ABTB2: variants seen among roughly 807,000 people sequenced by gnomAD.
ABTB2 encodes ankyrin repeat and BTB domain containing 2, also known as ankyrin repeat and BTB/POZ domain-containing protein 2.
In ABTB2, 56 loss-of-function variants were observed where a neutral mutation model predicts 104.1. The ratio of observed to expected loss-of-function variants is 0.54; its 90% CI spans 0.43 to 0.67. The LOEUF is 0.67. ABTB2 is among the 30% of genes least tolerant of loss of function. ABTB2 has a pLI of 0.00. For synonymous variants in ABTB2, 606 were observed against 608.2 expected (o/e 1.00, Z 0.05); for missense variants, 1,279 against 1,407.7 (o/e 0.91, Z 1.46).
At chr11:34,170,773 G>A in intron 5 of ABTB2, 133 bp downstream of exon 5, 1 of 1,090,752 alleles carries the variant, frequency 9.2e-7, no homozygotes, top group Non-Finnish European at 1.3e-6. Flanking sequence ...CAGGATTCAG[G>A]GAGGTAGCCC....
chr11:34,318,823 G>A (rs1854969400), intron 1 of ABTB2, among the ~76,000 whole-genome samples: 1 of 152,170 alleles, frequency 6.6e-6, no homozygotes. Context: ...TCATCCTTGG[G>A]CAGCTTAACC....
At chr11:34,228,849 G>C (rs1363518924) in intron 1 of ABTB2, among the ~76,000 whole-genome samples, 1 of 152,196 alleles carries the variant, frequency 6.6e-6, no homozygotes, top group African/African-American at 2.4e-5. Context: ...GCCAGGTGCA[G>C]TGGCTCATGC....
chr11:34,290,321 G>A (rs1018604138), intron 1 of ABTB2, among the ~76,000 whole-genome samples: 3 of 152,234 alleles, frequency 2.0e-5, no homozygotes, highest in African/African-American at 7.2e-5. Context: ...ACGGAGCAGA[G>A]AAGGCCAAAA....
intron 1 of ABTB2, among the ~76,000 whole-genome samples, chr11:34,299,239 C>T (rs1289682233): frequency 6.6e-6 from 1 of 152,072 alleles, no homozygotes; most frequent in Admixed American, 6.6e-5. Context: ...AATGGCATAT[C>T]AATTAAATTT....
intron 1 of ABTB2, among the ~76,000 whole-genome samples, chr11:34,313,680 A>G (rs1171207104): frequency 6.6e-6 from 1 of 152,254 alleles, no homozygotes; most frequent in Non-Finnish European, 1.5e-5. Context: ...GAGAGATGCC[A>G]CTGGGAGGGC....
At chr11:34,197,009 A>G (rs2957497) in intron 3 of ABTB2, among the ~76,000 whole-genome samples, 82,044 of 152,038 alleles carry the variant, frequency 0.54, 22,693 homozygotes, top group South Asian at 0.67. Context: ...GGGTGTGACT[A>G]TCTCATTTTA....
At chr11:34,341,663 G>A (rs1191049447) in intron 1 of ABTB2, among the ~76,000 whole-genome samples, 1 of 152,164 alleles carries the variant, frequency 6.6e-6, no homozygotes, top group Non-Finnish European at 1.5e-5. Flanking sequence ...GCAAGTGGCT[G>A]CCGTATTGAA....
chr11:34,209,200 G>A (rs1853445307), intron 1 of ABTB2, among the ~76,000 whole-genome samples: 2 of 151,918 alleles, frequency 1.3e-5, no homozygotes, highest in South Asian at 2.1e-4. Context: ...ACAAAAATTA[G>A]CCGGGCATGG....
intron 1 of ABTB2, among the ~76,000 whole-genome samples, chr11:34,328,464 A>G (rs967252593): frequency 6.6e-6 from 1 of 152,186 alleles, no homozygotes; most frequent in Non-Finnish European, 1.5e-5. Context: ...TCCTCTGAAA[A>G]TTGAGGAGAA....
At chr11:34,280,874 T>C (rs890116322) in intron 1 of ABTB2, among the ~76,000 whole-genome samples, 61 of 152,276 alleles carry the variant, frequency 4.0e-4, no homozygotes, top group African/African-American at 1.4e-3. Flanking sequence ...AGTCCTTGGG[T>C]GCTTTCCTCA....
chr11:34,293,269 A>G (rs1322793261), intron 1 of ABTB2, among the ~76,000 whole-genome samples: 1 of 152,128 alleles, frequency 6.6e-6, no homozygotes, highest in African/African-American at 2.4e-5. Context: ...CTAGGACTGC[A>G]GTTCTGGGCA....
At chr11:34,195,632 A>G (rs551556783) in intron 3 of ABTB2, among the ~76,000 whole-genome samples, 1 of 152,354 alleles carries the variant, frequency 6.6e-6, no homozygotes, top group South Asian at 2.1e-4. Context: ...TGTAGTGGTT[A>G]TGAGCCTGTG....
At chr11:34,164,867 G>C in intron 8 of ABTB2, 46 bp from the exon 9 acceptor site, 1 of 1,563,918 alleles carries the variant, frequency 6.4e-7, no homozygotes, top group East Asian at 2.4e-5. Context: ...GACAGTAGCC[G>C]CCAGGGCAGC....
intron 1 of ABTB2, among the ~76,000 whole-genome samples, chr11:34,229,134 A>AAAGAG (rs537214230): frequency 2.8e-5 from 4 of 144,462 alleles, no homozygotes; most frequent in East Asian, 2.1e-4. Flanking sequence ...AAAAAAAAAA[A>AAAGAG]AGAGAAAAAA....
intron 1 of ABTB2, among the ~76,000 whole-genome samples, chr11:34,261,866 C>T (rs1401481162): frequency 6.6e-6 from 1 of 152,202 alleles, no homozygotes; most frequent in South Asian, 2.1e-4. Context: ...TATCTCTGTA[C>T]CACCCCCCAA....
In ABTB2 at chr11:34,274,188, A is replaced by G. The variant is rs957573303; in HGVS notation, c.884-69498T>C. Among the ~76,000 whole-genome samples the G allele has an allele frequency of 2.7e-5, 4 of 146,524 alleles. No homozygotes were observed. The South Asian group carries it at 8.6e-4, about 32-fold the overall frequency. On this transcript the variant is annotated intron_variant, in intron 1 of 16. Coordinates refer to ENST00000435224, the MANE Select transcript of ABTB2 (RefSeq NM_145804.3). ...AAAAAAAAAAAAAAAAAAAAAAAAAAGATATTTAACTATGATAACAGCTAC... is the reference window on the plus strand; with the variant it reads ...AAAAAAAAAAAAAAAAAAAAAAAAAGGATATTTAACTATGATAACAGCTAC...
intron 1 of ABTB2, among the ~76,000 whole-genome samples, chr11:34,342,915 CATTTCATTTATTTATTT>C (rs1194100974): frequency 1.7e-4 from 25 of 150,432 alleles, no homozygotes; most frequent in Non-Finnish European, 3.3e-4. Context: ...GTGTCACTCC[CATTTCATTTATTTATTT>C]ATTTATTTAT....
At chr11:34,283,370 C>T (rs1242482423) in intron 1 of ABTB2, among the ~76,000 whole-genome samples, 1 of 151,944 alleles carries the variant, frequency 6.6e-6, no homozygotes, top group African/African-American at 2.4e-5. Context: ...CACGTGCCAC[C>T]ATGCTCAGCT....
At chr11:34,318,631 C>G (rs149982046) in intron 1 of ABTB2, among the ~76,000 whole-genome samples, 30 of 152,274 alleles carry the variant, frequency 2.0e-4, no homozygotes, top group African/African-American at 7.2e-4. Context: ...AAAATTCCAA[C>G]TTAGATTTCT....
Sources: allele counts gnomAD v4.1 joint callset (sites outside exome capture counted in the v4.1 genomes callset), GRCh38; gene constraint gnomAD v4.1.1; transcripts MANE v1.5; gene names NCBI Gene and HGNC (gene_info 2026-07-23, HGNC 2026-07-21).